Variants in FAM78B observed in about 807,000 individuals in gnomAD.
FAM78B encodes the protein protein FAM78B.
A neutral mutation model predicts 20.0 loss-of-function variants in FAM78B; 10 were observed. The observed-to-expected ratio is 0.50, with a 90% CI of 0.31 to 0.85. The LOEUF is 0.85. Among genes scored for constraint, FAM78B ranks in the 40% least tolerant of loss-of-function variants. FAM78B has a pLI of 0.05. For missense variants in FAM78B, 283 were observed against 345.0 expected (o/e 0.82, Z 1.42); for synonymous variants, 135 against 132.8 (o/e 1.02, Z -0.12).
chr1:166,113,228 G>A (rs1654127594), intron 1 of FAM78B, among the ~76,000 whole-genome samples: 1 of 152,230 alleles, frequency 6.6e-6, no homozygotes, highest in South Asian at 2.1e-4. Context: ...GGGTCCTGTG[G>A]ATCCCCTAGT....
intron 1 of FAM78B, among the ~76,000 whole-genome samples, chr1:166,109,422 T>C (rs942138120): frequency 1.3e-5 from 2 of 152,114 alleles, no homozygotes; most frequent in Admixed American, 6.5e-5. Flanking sequence ...TCAACATCAC[T>C]AATGATCAGG....
chr1:166,105,623 C>A (rs891352302), intron 1 of FAM78B, among the ~76,000 whole-genome samples: 1 of 152,178 alleles, frequency 6.6e-6, no homozygotes, highest in Non-Finnish European at 1.5e-5. Context: ...CATCACTGGC[C>A]ATCAGAGAAA....
intron 1 of FAM78B, among the ~76,000 whole-genome samples, chr1:166,120,916 C>T (rs1369636118): frequency 6.6e-6 from 1 of 152,224 alleles, no homozygotes; most frequent in African/African-American, 2.4e-5. Context: ...CCTTCATCCA[C>T]TTGGCCAAAG....
At chr1:166,112,730 C>T (rs1207284093) in intron 1 of FAM78B, among the ~76,000 whole-genome samples, 1 of 152,168 alleles carries the variant, frequency 6.6e-6, no homozygotes, top group Non-Finnish European at 1.5e-5. Context: ...AGGCTATGGT[C>T]CACCTAGGAT....
downstream of FAM78B, among the ~76,000 whole-genome samples, chr1:166,057,042 GA>G (rs1442320173): frequency 2.0e-4 from 30 of 152,170 alleles, no homozygotes; most frequent in African/African-American, 7.0e-4. Flanking sequence ...CCCAGTCATC[GA>G]ATCTGCCAGA....
chr1:166,116,430 T>G (rs573786772), intron 1 of FAM78B, among the ~76,000 whole-genome samples: 5 of 152,280 alleles, frequency 3.3e-5, no homozygotes, highest in African/African-American at 1.2e-4. Flanking sequence ...CAGGGCAACA[T>G]TTCTCCGTAG....
At chr1:166,141,183 T>C (rs1655262937) in intron 1 of FAM78B, among the ~76,000 whole-genome samples, 1 of 152,218 alleles carries the variant, frequency 6.6e-6, no homozygotes, top group Non-Finnish European at 1.5e-5. Context: ...CAAGGTGCTG[T>C]GCTAGGTACT....
chr1:166,147,305 G>A (rs931512341), intron 1 of FAM78B, among the ~76,000 whole-genome samples: 10 of 152,214 alleles, frequency 6.6e-5, no homozygotes, highest in African/African-American at 2.4e-4. Flanking sequence ...GAGACAAAAA[G>A]CAGGCAATGC....
chr1:166,118,345 T>C (rs1654337756), intron 1 of FAM78B, among the ~76,000 whole-genome samples: 1 of 152,154 alleles, frequency 6.6e-6, no homozygotes, highest in Non-Finnish European at 1.5e-5. Context: ...TGAAATTCCA[T>C]GAGATTTTAA....
At chr1:166,117,729 G>T (rs550563813) in intron 1 of FAM78B, among the ~76,000 whole-genome samples, 4 of 152,186 alleles carry the variant, frequency 2.6e-5, no homozygotes, top group African/African-American at 9.7e-5. Context: ...ATATCTAAAG[G>T]GTTATGGTAT....
chr1:166,113,769 G>A (rs2101761298), intron 1 of FAM78B, among the ~76,000 whole-genome samples: 1 of 152,338 alleles, frequency 6.6e-6, no homozygotes, highest in East Asian at 1.9e-4. Context: ...TGGGACAGAA[G>A]GGAGGCTGAA....
chr1:166,130,802 C>T (rs1477460040), intron 1 of FAM78B, among the ~76,000 whole-genome samples: 3 of 152,154 alleles, frequency 2.0e-5, no homozygotes, highest in Admixed American at 2.0e-4. Flanking sequence ...GGTTCCCTGA[C>T]TCCCAGACCT....
At chr1:166,153,079 T>C (rs150755602) in intron 1 of FAM78B, among the ~76,000 whole-genome samples, 12 of 152,254 alleles carry the variant, frequency 7.9e-5, no homozygotes, top group Admixed American at 2.6e-4. Context: ...TCATCCATGG[T>C]TTTTGGAAAC....
chr1:166,143,602 G>C (rs980494888), intron 1 of FAM78B, among the ~76,000 whole-genome samples: 1 of 152,058 alleles, frequency 6.6e-6, no homozygotes, highest in African/African-American at 2.4e-5. Context: ...TTGCCTACTC[G>C]GGCTGTGGTG....
rs539621947 is a variant in FAM78B, at chr1:166,086,459, AAAT to A, written c.264-15699_264-15697del. On this transcript the variant is annotated intron_variant, in intron 1 of 1. Coordinates refer to ENST00000354422, the MANE Select transcript of FAM78B (RefSeq NM_001017961.5). ...TGGAAGGGGCTTCCCAGTTTCCACCAAATAATGCTCAAGGTGTAGGGGGAAGGG... is the reference window on the plus strand; with the variant it reads ...TGGAAGGGGCTTCCCAGTTTCCACCAAATGCTCAAGGTGTAGGGGGAAGGG... Among the ~76,000 whole-genome samples the A allele has an allele frequency of 3.3e-3, 501 of 152,266 alleles. 3 individuals are homozygous for A. Among genetic ancestry groups the A allele is most frequent in the African/African-American group, 0.011 (474 of 41,556 alleles).
downstream of FAM78B, among the ~76,000 whole-genome samples, chr1:166,064,663 G>C (rs928073648): frequency 6.6e-6 from 1 of 152,218 alleles, no homozygotes; most frequent in Non-Finnish European, 1.5e-5. Flanking sequence ...GGCAGTAAGA[G>C]TGAGTTCTCC....
chr1:166,137,364 A>G (rs76731651), intron 1 of FAM78B, among the ~76,000 whole-genome samples: 2 of 152,344 alleles, frequency 1.3e-5, no homozygotes, highest in South Asian at 2.1e-4. Flanking sequence ...ACCATCCGCC[A>G]TATTTTCTTT....
At chr1:166,140,753 G>C (rs891132001) in intron 1 of FAM78B, among the ~76,000 whole-genome samples, 1 of 152,046 alleles carries the variant, frequency 6.6e-6, no homozygotes, top group Non-Finnish European at 1.5e-5. Flanking sequence ...GCCTTTTTTG[G>C]GGGTATGATT....
chr1:166,159,244 A>G (rs551806360), intron 1 of FAM78B, among the ~76,000 whole-genome samples: 1 of 152,122 alleles, frequency 6.6e-6, no homozygotes, highest in African/African-American at 2.4e-5. Flanking sequence ...CTGTGGCAGT[A>G]TATAGAAAGC....
Sources: allele counts gnomAD v4.1 joint callset (sites outside exome capture counted in the v4.1 genomes callset), GRCh38; gene constraint gnomAD v4.1.1; transcripts MANE v1.5; gene names NCBI Gene and HGNC (gene_info 2026-07-23, HGNC 2026-07-21).